CYP2F1: variants seen among roughly 807,000 people sequenced by gnomAD.
CYP2F1 encodes cytochrome P450 family 2 subfamily F member 1.
Under a neutral mutation model 40.4 loss-of-function variants are expected in CYP2F1, and 33 were observed. The observed-to-expected ratio is 0.82, with a 90% CI of 0.62 to 1.09. The LOEUF (loss-of-function observed/expected upper bound fraction) is 1.09, where lower values mean the gene tolerates loss of function less well. Among genes scored for constraint, CYP2F1 ranks in the 50% least tolerant of loss-of-function variants. The pLI, the probability that CYP2F1 is intolerant of heterozygous loss-of-function variation, is 0.00. For synonymous variants in CYP2F1, 235 were observed against 277.2 expected (o/e 0.85, Z 1.51); for missense variants, 566 against 655.7 (o/e 0.86, Z 1.49).
Position 41,121,652 on chromosome 19 carries a change from G to A in CYP2F1, c.645+34G>A, listed in dbSNP as rs777804824. 3 of 1,570,992 alleles carry A rather than the reference G, an allele frequency of 1.9e-6. 1 individual carries two copies. The highest frequency in any genetic ancestry group is 2.9e-5 in the African/African-American group (2 of 69,700). ...ACTGAGTCCAGCAGGGGCAGGGTGT[G>A]GGGTCCGCAGGATCTAGGAATGGAG... On this transcript the variant is annotated intron_variant, in intron 5 of 9. Coordinates refer to ENST00000331105, the MANE Select transcript of CYP2F1 (RefSeq NM_000774.5).
chr19:41,118,220 A>G (rs305973), intron 3 of CYP2F1, among the ~76,000 whole-genome samples: 3,865 of 152,064 alleles, frequency 0.025, 155 homozygotes, highest in African/African-American at 0.087. Flanking sequence ...TGATGGAAGG[A>G]AGGAGGGACC....
At chr19:41,115,891 C>T (rs557747483) in intron 1 of CYP2F1, among the ~76,000 whole-genome samples, 1 of 151,602 alleles carries the variant, frequency 6.6e-6, no homozygotes, top group South Asian at 2.1e-4. Flanking sequence ...TTTTCTGTCT[C>T]TCTCATTATC....
In CYP2F1 at chr19:41,119,756, C is replaced by T. The variant is rs749719546; in HGVS notation, c.335-591C>T. On this transcript the variant is annotated intron_variant, in intron 3 of 9. Transcript: ENST00000331105. Reference sequence around the variant, plus strand: ...ATATATATATATATATATACACACACACACACACACACACACACACACACA... The same window carrying T: ...ATATATATATATATATATACACACATACACACACACACACACACACACACA... Among the ~76,000 whole-genome samples, 923 of 96,016 alleles carry T rather than the reference C, an allele frequency of 9.6e-3. 7 individuals are homozygous for T. Among genetic ancestry groups the T allele is most frequent in the Middle Eastern group, 0.03 (5 of 168 alleles). The allele number at this position is 96,016 out of a possible 152,430, so 63.0% of individuals were successfully genotyped here.
chr19:41,122,002 C>T lies in CYP2F1; in HGVS notation c.691C>T (p.His231Tyr), dbSNP rs2032243212. ...PSLLDWVPGP[H>Y]QRIFQNFKCL... is the part of the protein sequence containing the mutation. ...CCTCCTGGACTGGGTGCCTGGGCCG[C>T]ACCAACGCATCTTCCAGAACTTCAA... The change falls in exon 6 of 10, where the codon CAC (histidine) becomes TAC (tyrosine). Residue 231 changes from histidine to tyrosine, a missense_variant. Physicochemically the swap from His to Tyr is moderately conservative, Grantham distance 83. Around this residue, in one of 5 missense-constraint regions of CYP2F1, gnomAD observed 62 missense variants for 105.6 expected, o/e 0.59. Transcript: ENST00000331105. 6.2e-7 allele frequency: 1 copy of T among 1,613,208 alleles called. No homozygotes were observed. The highest frequency in any genetic ancestry group is 1.3e-5 in the African/African-American group (1 of 74,636).
Position 41,116,503 on chromosome 19 carries a change from C to A in CYP2F1, c.220C>A (p.Arg74=), listed in dbSNP as rs762195176. Residue 74 remains arginine (R), a synonymous_variant, in exon 3 of 10, where the codon CGG becomes AGG. Transcript: ENST00000331105. ...SMYTVHLGPR[R]VVVLSGYQAV... ...GTACACAGTGCACCTGGGACCCAGGCGGGTGGTGGTCCTCAGCGGGTACCA... is the reference window on the plus strand; with the variant it reads ...GTACACAGTGCACCTGGGACCCAGGAGGGTGGTGGTCCTCAGCGGGTACCA... The A allele has an allele frequency of 6.2e-7, 1 of 1,613,936 alleles. No individual in the cohort carries two copies. Among genetic ancestry groups the A allele is most frequent in the Non-Finnish European group, 8.5e-7 (1 of 1,179,914 alleles).
chr19:41,124,253 C>CCT (rs2032408054), intron 7 of CYP2F1, among the ~76,000 whole-genome samples: 1 of 93,196 alleles, frequency 1.1e-5, no homozygotes, highest in African/African-American at 5.0e-5. Context: ...CTTCCCCCCC[C>CCT]CCTTTTTTTT....
Position 41,116,438 on chromosome 19 carries a change from T to C in CYP2F1, c.172-17T>C. The C allele has an allele frequency of 1.2e-6, 2 of 1,607,888 alleles. No individual in the cohort carries two copies. Among genetic ancestry groups the C allele is most frequent in the Non-Finnish European group, 1.7e-6 (2 of 1,176,228 alleles). ...TGGCCACAGGCCCCCCTGTAACTTCTGTCTTCCTACCCTCAGCTGAGCAAG... is the reference window on the plus strand; with the variant it reads ...TGGCCACAGGCCCCCCTGTAACTTCCGTCTTCCTACCCTCAGCTGAGCAAG... On this transcript the variant is annotated splice_polypyrimidine_tract_variant and intron_variant, in intron 2 of 9. Coordinates refer to ENST00000331105, the MANE Select transcript of CYP2F1 (RefSeq NM_000774.5).
rs757478798 is a variant in CYP2F1, at chr19:41,121,955, A to G, written c.646-2A>G. ...AACCCTCCTACTCTGTCTGGTCCCC[A>G]GTTGTACGACATCTTCCCGAGCCTC... On this transcript the variant is annotated splice_acceptor_variant, in intron 5 of 9. Coordinates refer to ENST00000331105, the MANE Select transcript of CYP2F1 (RefSeq NM_000774.5). LOFTEE classifies it high-confidence loss of function. 6.2e-7 allele frequency: 1 copy of G among 1,612,638 alleles called. No individual in the cohort carries two copies. The highest frequency in any genetic ancestry group is 8.5e-7 in the Non-Finnish European group (1 of 1,179,488).
intron 9 of CYP2F1, among the ~76,000 whole-genome samples, chr19:41,126,873 T>G (rs1313251677): frequency 1.3e-5 from 2 of 152,082 alleles, no homozygotes. Context: ...GTTGAGGTGG[T>G]TCTAGGGGTT....
rs60423713 is a variant in CYP2F1 at position 41,124,227 on chromosome 19, CTT to C, written c.965-481_965-480del. On this transcript the variant is annotated intron_variant, in intron 7 of 9. Transcript: ENST00000331105. ...ACTTCCTCCCAGACCCTGGCTAATT[CTT>C]TTTTTTTTTTCCTCTTCCCCCCCCC... Among the ~76,000 whole-genome samples the C allele has an allele frequency of 8.5e-3, 479 of 56,458 alleles. 30 individuals are homozygous for C. The highest frequency in any genetic ancestry group is 0.031 in the African/African-American group (449 of 14,336). The allele number at this position is 56,458 out of a possible 152,430, so 37.0% of individuals were successfully genotyped here.
At chr19:41,127,226 T>A (rs1003689247) in intron 9 of CYP2F1, among the ~76,000 whole-genome samples, 2 of 152,204 alleles carry the variant, frequency 1.3e-5, no homozygotes, top group Non-Finnish European at 1.5e-5. Flanking sequence ...TAGAATTAAT[T>A]GCGATGTAAT....
rs146999252 is a variant in CYP2F1 at position 41,122,398 on chromosome 19, G to A, written c.822+265G>A. Among the ~76,000 whole-genome samples, 85 of 152,224 alleles carry A rather than the reference G, an allele frequency of 5.6e-4. No homozygotes were observed. The East Asian group carries it at 0.012, about 21-fold the overall frequency. ...TGTTATCCCAGCACTTTGGAAGGCC[G>A]AGGCAGGAGGATCGCTTGAGTCCAG... On this transcript the variant is annotated intron_variant, in intron 6 of 9. Transcript: ENST00000331105.
intron 8 of CYP2F1, 109 bp from the exon 9 acceptor site, chr19:41,125,384 T>C (rs2032492298): frequency 4.8e-6 from 3 of 626,804 alleles, no homozygotes; most frequent in Admixed American, 2.9e-5. Context: ...TACCCACCTA[T>C]ACCCACCCCT....
At chr19:41,122,211 C>A (rs2032259643) in intron 6 of CYP2F1, 78 bp downstream of exon 6, 8 of 1,316,450 alleles carry the variant, frequency 6.1e-6, no homozygotes, top group South Asian at 1.3e-5. Context: ...CCACAGGGAC[C>A]CCAGATGGGG....
rs59036370 is a variant in CYP2F1, at chr19:41,124,246, C to T, written c.965-473C>T. Among the ~76,000 whole-genome samples the T allele has an allele frequency of 6.0e-3, 260 of 43,014 alleles. 12 individuals carry two copies. Among genetic ancestry groups the T allele is most frequent in the African/African-American group, 0.015 (104 of 6,736 alleles). The allele number at this position is 43,014 out of a possible 152,430, so 28.2% of individuals were successfully genotyped here. A position where few individuals can be genotyped will look rare whatever the true frequency, so the allele number is the denominator to read the frequency against. ...CTAATTCTTTTTTTTTTTTCCTCTT[C>T]CCCCCCCCCTTTTTTTTTTTTTTTT... On this transcript the variant is annotated intron_variant, in intron 7 of 9. Transcript: ENST00000331105.
At chr19:41,117,413 A>T (rs305970) in intron 3 of CYP2F1, among the ~76,000 whole-genome samples, 1 of 151,882 alleles carries the variant, frequency 6.6e-6, no homozygotes, top group African/African-American at 2.4e-5. Flanking sequence ...ATTACAGGCA[A>T]GAGCCACTGC....
chr19:41,116,439 G>C lies in CYP2F1; in HGVS notation c.172-16G>C, dbSNP rs1247554423. 2 of 1,608,074 alleles carry C rather than the reference G, an allele frequency of 1.2e-6. No individual in the cohort carries two copies. The highest frequency in any genetic ancestry group is 1.7e-6 in the Non-Finnish European group (2 of 1,176,334). On this transcript the variant is annotated splice_polypyrimidine_tract_variant and intron_variant, in intron 2 of 9. Transcript: ENST00000331105. Reference sequence around the variant, plus strand: ...GGCCACAGGCCCCCCTGTAACTTCTGTCTTCCTACCCTCAGCTGAGCAAGG... The same window carrying C: ...GGCCACAGGCCCCCCTGTAACTTCTCTCTTCCTACCCTCAGCTGAGCAAGG...
chr19:41,121,962 C>G lies in CYP2F1; in HGVS notation c.651C>G (p.Tyr217Ter), dbSNP rs147516459. ...QIMSSPWGEL[Y>*]DIFPSLLDWV... Reference sequence around the variant, plus strand: ...CTACTCTGTCTGGTCCCCAGTTGTACGACATCTTCCCGAGCCTCCTGGACT... The same window carrying G: ...CTACTCTGTCTGGTCCCCAGTTGTAGGACATCTTCCCGAGCCTCCTGGACT... The change falls in exon 6 of 10, where the codon TAC becomes TAG. Residue 217 changes from tyrosine (Y) to a stop codon, truncating the protein, a stop_gained. Transcript: ENST00000331105. LOFTEE classifies it high-confidence loss of function. The G allele has an allele frequency of 1.9e-6, 3 of 1,612,986 alleles. No homozygotes were observed. The highest frequency in any genetic ancestry group is 4.5e-5 in the East Asian group (2 of 44,882).
Position 41,120,239 on chromosome 19 carries a change from G to A in CYP2F1, c.335-108G>A. The A allele has an allele frequency of 2.6e-6, 3 of 1,147,116 alleles. No homozygotes were observed. In the South Asian group the frequency reaches 4.9e-5, roughly 19 times the overall value. The allele number at this position is 1,147,116 out of a possible 1,614,324, so 71.1% of individuals were successfully genotyped here. A position where few individuals can be genotyped will look rare whatever the true frequency, so the allele number is the denominator to read the frequency against. ...AGGGCTTACTGGAAGGAGCCAGGGA[G>A]ATTCCAAACTCTGTCTCTCTCCCAG... On this transcript the variant is annotated intron_variant, in intron 3 of 9. Transcript: ENST00000331105.
Sources: gnomAD v4.1 joint callset for allele counts (sites outside exome capture counted in the v4.1 genomes callset) on GRCh38, gnomAD v4.1.1 for gene constraint, gnomAD v4.1.1 regional missense constraint, MANE v1.5 for transcripts, NCBI Gene and HGNC (gene_info 2026-07-23, HGNC 2026-07-21) for gene names.